ANGPT1: variants seen among roughly 807,000 people sequenced by gnomAD.
The protein encoded by ANGPT1 is angiopoietin 1.
ANGPT1 carries 17 observed loss-of-function variants against 62.2 expected under a neutral mutation model. The ratio of observed to expected loss-of-function variants is 0.27; its 90% CI spans 0.19 to 0.41. ANGPT1 has a LOEUF of 0.41. Ranked by LOEUF, ANGPT1 falls within the 10% of genes least tolerant of loss-of-function variation. The pLI is 1.00. For missense variants in ANGPT1, 478 were observed against 594.9 expected, an observed-to-expected ratio of 0.80 and a Z score of 2.04; for synonymous variants, 199 against 198.9, an observed-to-expected ratio of 1.00 and a Z score of 0.00.
chr8:107,351,197 G>A (rs1030416561), intron 1 of ANGPT1, among the ~76,000 whole-genome samples: 2 of 152,070 alleles, frequency 1.3e-5, no homozygotes. Context: ...GCTAGGAAGA[G>A]AATGTGATTT....
intron 7 of ANGPT1, among the ~76,000 whole-genome samples, chr8:107,272,989 T>C (rs1335178757): frequency 6.6e-6 from 1 of 151,790 alleles, no homozygotes; most frequent in East Asian, 1.9e-4. Context: ...TTCCTTGGCA[T>C]CATGTGTGAC....
chr8:107,418,015 T>C (rs1235437668), intron 1 of ANGPT1, among the ~76,000 whole-genome samples: 1 of 152,206 alleles, frequency 6.6e-6, no homozygotes, highest in African/African-American at 2.4e-5. Context: ...TCTGGTAACA[T>C]GTTGTGACCT....
At chr8:107,359,224 A>G (rs1275882302) in intron 1 of ANGPT1, among the ~76,000 whole-genome samples, 1 of 152,158 alleles carries the variant, frequency 6.6e-6, no homozygotes, top group East Asian at 1.9e-4. Context: ...AGAGAGGAGT[A>G]CAATGTCTTT....
At chr8:107,319,907 C>T (rs1815110843) in intron 4 of ANGPT1, among the ~76,000 whole-genome samples, 1 of 151,982 alleles carries the variant, frequency 6.6e-6, no homozygotes, top group Admixed American at 6.6e-5. Context: ...ATGGTCATGA[C>T]AGCAGAGAAC....
At chr8:107,430,993 A>G (rs559762379) in intron 1 of ANGPT1, among the ~76,000 whole-genome samples, 25 of 152,320 alleles carry the variant, frequency 1.6e-4, no homozygotes, top group African/African-American at 5.8e-4. Flanking sequence ...TTCTAAGTTA[A>G]ACTTCCTGGA....
intron 7 of ANGPT1, among the ~76,000 whole-genome samples, chr8:107,282,479 T>C (rs982339417): frequency 4.8e-5 from 7 of 146,000 alleles, no homozygotes; most frequent in African/African-American, 1.8e-4. Flanking sequence ...TGCATATGCA[T>C]GTGTGTGAGG....
intron 1 of ANGPT1, among the ~76,000 whole-genome samples, chr8:107,414,972 A>G (rs1222885601): frequency 6.6e-6 from 1 of 152,194 alleles, no homozygotes; most frequent in African/African-American, 2.4e-5. Flanking sequence ...CACAAAACAG[A>G]TAATTACAGA....
chr8:107,288,084 T>C (rs1814186551), intron 6 of ANGPT1, among the ~76,000 whole-genome samples: 1 of 152,146 alleles, frequency 6.6e-6, no homozygotes, highest in Non-Finnish European at 1.5e-5. Context: ...GGGTCTTGTA[T>C]TAGCCCAAAA....
chr8:107,346,694 T>G (rs1322590751), intron 2 of ANGPT1, among the ~76,000 whole-genome samples: 2 of 152,170 alleles, frequency 1.3e-5, no homozygotes, highest in Non-Finnish European at 2.9e-5. Context: ...TTATTTGAAT[T>G]TAAACATTGA....
chr8:107,410,008 C>A (rs1178360893), intron 1 of ANGPT1, among the ~76,000 whole-genome samples: 1 of 151,946 alleles, frequency 6.6e-6, no homozygotes, highest in Non-Finnish European at 1.5e-5. Flanking sequence ...ATTTATTGAG[C>A]CAGATGCTGT....
chr8:107,251,807 T>C lies in ANGPT1; in HGVS notation c.*48A>G. ...TCAAACAGTTTCTCACCTGGCAGCT[T>C]CTCCGGATTTCTTTGTTGCTTTCAT... On this transcript the variant is annotated 3_prime_UTR_variant, in exon 9 of 9. Coordinates refer to ENST00000517746, the MANE Select transcript of ANGPT1 (RefSeq NM_001146.5). The C allele has an allele frequency of 6.2e-7, 1 of 1,606,174 alleles. No individual in the cohort carries two copies. The highest frequency in any genetic ancestry group is 8.5e-7 in the Non-Finnish European group (1 of 1,174,738).
chr8:107,264,498 C>A (rs746981842), intron 7 of ANGPT1, 147 bp from the exon 8 acceptor site: 3 of 942,472 alleles, frequency 3.2e-6, no homozygotes, highest in Non-Finnish European at 4.6e-6. Flanking sequence ...GAGACCCAAG[C>A]TATCTGAACC....
At chr8:107,332,628 A>G (rs1815450423) in intron 3 of ANGPT1, among the ~76,000 whole-genome samples, 1 of 152,192 alleles carries the variant, frequency 6.6e-6, no homozygotes, top group African/African-American at 2.4e-5. Flanking sequence ...TCCTAACCAT[A>G]AAATATTCCT....
intron 5 of ANGPT1, among the ~76,000 whole-genome samples, chr8:107,299,171 T>C (rs1814492219): frequency 6.6e-6 from 1 of 151,488 alleles, no homozygotes; most frequent in South Asian, 2.1e-4. Context: ...CAGGTTCATA[T>C]TTAAAATTAT....
chr8:107,274,098 T>C (rs1009255454), intron 7 of ANGPT1, among the ~76,000 whole-genome samples: 3 of 152,170 alleles, frequency 2.0e-5, no homozygotes, highest in African/African-American at 7.2e-5. Flanking sequence ...GTCTGTTTGG[T>C]GTAACCAAAG....
chr8:107,383,260 G>A (rs1425894180), intron 1 of ANGPT1, among the ~76,000 whole-genome samples: 1 of 152,026 alleles, frequency 6.6e-6, no homozygotes, highest in Non-Finnish European at 1.5e-5. Flanking sequence ...TGGTTGTGTG[G>A]GTCTCAGCCA....
At chr8:107,477,037 G>A (rs1812552174) in intron 1 of ANGPT1, among the ~76,000 whole-genome samples, 2 of 152,086 alleles carry the variant, frequency 1.3e-5, no homozygotes, top group Admixed American at 6.6e-5. Flanking sequence ...CTTGCATAAT[G>A]CAACCACAGA....
At chr8:107,262,253 C>A (rs1353353808) in intron 8 of ANGPT1, among the ~76,000 whole-genome samples, 3 of 152,086 alleles carry the variant, frequency 2.0e-5, no homozygotes, top group African/African-American at 7.2e-5. Context: ...AAGCTCTATT[C>A]GTGGATGAAG....
intron 1 of ANGPT1, among the ~76,000 whole-genome samples, chr8:107,480,536 C>G (rs1812650367): frequency 6.6e-6 from 1 of 152,118 alleles, no homozygotes; most frequent in African/African-American, 2.4e-5. Flanking sequence ...GAAGATGAAG[C>G]CTGCAGCAGC....
Sources: gnomAD v4.1 joint callset for allele counts (sites outside exome capture counted in the v4.1 genomes callset) on GRCh38, gnomAD v4.1.1 for gene constraint, MANE v1.5 for transcripts, NCBI Gene and HGNC (gene_info 2026-07-23, HGNC 2026-07-21) for gene names.